AGBL4: variants seen among roughly 807,000 people sequenced by gnomAD.
The protein encoded by AGBL4 is cytosolic carboxypeptidase 6.
Under a neutral mutation model 66.4 loss-of-function variants are expected in AGBL4, and 58 were observed. The observed-to-expected ratio is 0.87, with a 90% CI of 0.71 to 1.09. AGBL4 has a LOEUF of 1.09. AGBL4 is among the 50% of genes least tolerant of loss of function. The probability of loss-of-function intolerance (pLI) is 0.00; values close to 1 mark genes in which losing one functional copy is unlikely to be tolerated. For missense variants in AGBL4, 579 were observed against 631.0 expected, an observed-to-expected ratio of 0.92 and a Z score of 0.88; for synonymous variants, 234 against 222.9, an observed-to-expected ratio of 1.05 and a Z score of -0.44.
intron 3 of AGBL4, among the ~76,000 whole-genome samples, chr1:49,267,498 G>A (rs1643948999): frequency 6.6e-6 from 1 of 152,094 alleles, no homozygotes; most frequent in Non-Finnish European, 1.5e-5. Flanking sequence ...GGCTAACACA[G>A]TGAAACCCTG....
intron 11 of AGBL4, among the ~76,000 whole-genome samples, chr1:48,555,224 C>G (rs1335702939): frequency 1.3e-5 from 2 of 150,850 alleles, no homozygotes; most frequent in Admixed American, 6.6e-5. Flanking sequence ...CTTTATTAAA[C>G]AAGTTAGTCA....
intron 9 of AGBL4, among the ~76,000 whole-genome samples, chr1:48,623,576 G>A (rs561289004): frequency 3.3e-5 from 5 of 152,372 alleles, no homozygotes; most frequent in South Asian, 2.1e-4. Flanking sequence ...GGCTAAGGCC[G>A]ATTTCTGAAG....
At chr1:49,591,988 G>T (rs1644760139) in intron 3 of AGBL4, among the ~76,000 whole-genome samples, 1 of 152,036 alleles carries the variant, frequency 6.6e-6, no homozygotes, top group Non-Finnish European at 1.5e-5. Context: ...AAAAACCCTG[G>T]AAGAAAACCT....
chr1:49,607,050 A>C (rs1163341026), intron 3 of AGBL4, among the ~76,000 whole-genome samples: 1 of 152,158 alleles, frequency 6.6e-6, no homozygotes, highest in Non-Finnish European at 1.5e-5. Flanking sequence ...AATTCAGTTC[A>C]AATGATATTT....
intron 5 of AGBL4, among the ~76,000 whole-genome samples, chr1:49,009,499 A>G (rs1026985072): frequency 1.3e-5 from 2 of 151,890 alleles, no homozygotes; most frequent in African/African-American, 4.8e-5. Context: ...ATCAATAGAA[A>G]AAGAGGGAAT....
chr1:49,785,892 AAAT>A lies in AGBL4; in HGVS notation c.157+65501_157+65503del, dbSNP rs1290905798. On this transcript the variant is annotated intron_variant, in intron 2 of 13. Coordinates refer to ENST00000371839, the MANE Select transcript of AGBL4 (RefSeq NM_032785.4). ...TACATGAGAAATCCCAGGAAAAAAA[AAAT>A]ATATATATATATATATATATATTTC... is the stretch of plus-strand genomic sequence containing the variant. 6.4e-3 allele frequency among the ~76,000 whole-genome samples: 583 copies of A among 90,840 alleles called. 10 individuals carry two copies. The highest frequency in any genetic ancestry group is 0.055 in the East Asian group (258 of 4,700). The allele number at this position is 90,840 out of a possible 152,430, so 59.6% of individuals were successfully genotyped here.
chr1:49,929,664 A>C (rs1246966415), intron 1 of AGBL4, among the ~76,000 whole-genome samples: 2 of 149,910 alleles, frequency 1.3e-5, no homozygotes, highest in Non-Finnish European at 3.0e-5. Context: ...TTTCAAGCAG[A>C]AAAAAAAAAG....
intron 5 of AGBL4, among the ~76,000 whole-genome samples, chr1:48,900,081 G>A (rs1557440757): frequency 6.6e-6 from 1 of 152,132 alleles, no homozygotes; most frequent in Non-Finnish European, 1.5e-5. Flanking sequence ...GGGTTGGAGT[G>A]CTCCAGTCAG....
At chr1:48,546,244 T>C (rs1644156767) in intron 11 of AGBL4, among the ~76,000 whole-genome samples, 1 of 152,144 alleles carries the variant, frequency 6.6e-6, no homozygotes, top group Non-Finnish European at 1.5e-5. Context: ...TAATTCAGAG[T>C]CTCGTGGCTT....
intron 1 of AGBL4, among the ~76,000 whole-genome samples, chr1:49,916,629 G>A (rs1039146754): frequency 6.6e-6 from 1 of 152,128 alleles, no homozygotes; most frequent in Admixed American, 6.6e-5. Context: ...GAAAGTGACG[G>A]GGAGAATGGA....
intron 3 of AGBL4, among the ~76,000 whole-genome samples, chr1:49,374,851 T>C (rs1357232212): frequency 1.3e-5 from 2 of 152,128 alleles, no homozygotes; most frequent in Non-Finnish European, 2.9e-5. Flanking sequence ...TTCTAAATCT[T>C]TTAGTTGACC....
intron 3 of AGBL4, among the ~76,000 whole-genome samples, chr1:49,315,136 A>C (rs1450182751): frequency 6.6e-6 from 1 of 152,208 alleles, no homozygotes; most frequent in Non-Finnish European, 1.5e-5. Context: ...AAAAACAAGC[A>C]ATGGGGAAAG....
At chr1:49,626,858 T>G (rs567083529) in intron 3 of AGBL4, among the ~76,000 whole-genome samples, 1 of 152,262 alleles carries the variant, frequency 6.6e-6, no homozygotes, top group African/African-American at 2.4e-5. Flanking sequence ...AGCTAAAGAA[T>G]TTTTGCCTAC....
intron 6 of AGBL4, among the ~76,000 whole-genome samples, chr1:48,767,326 G>T (rs1387592888): frequency 6.6e-6 from 1 of 152,196 alleles, no homozygotes. Context: ...TCTTGTCATA[G>T]ATGTTCAATA....
At chr1:49,222,020 G>T (rs563728614) in intron 4 of AGBL4, among the ~76,000 whole-genome samples, 2 of 152,044 alleles carry the variant, frequency 1.3e-5, no homozygotes, top group Admixed American at 1.3e-4. Flanking sequence ...TCCTAATTAG[G>T]GCCTGTCTGA....
At chr1:48,928,224 C>A (rs1179695604) in intron 5 of AGBL4, among the ~76,000 whole-genome samples, 1 of 152,160 alleles carries the variant, frequency 6.6e-6, no homozygotes, top group Non-Finnish European at 1.5e-5. Context: ...GGATCAGAGC[C>A]ACATCCTTCC....
intron 9 of AGBL4, among the ~76,000 whole-genome samples, chr1:48,615,148 A>C (rs1352205045): frequency 6.6e-6 from 1 of 152,194 alleles, no homozygotes; most frequent in East Asian, 1.9e-4. Flanking sequence ...GAATGTGGGC[A>C]GGCCAGAAGT....
intron 4 of AGBL4, among the ~76,000 whole-genome samples, chr1:49,194,684 T>C (rs1229535048): frequency 1.3e-5 from 2 of 152,166 alleles, no homozygotes; most frequent in Non-Finnish European, 2.9e-5. Context: ...ACAGCCAAGT[T>C]AGAGATCAAG....
chr1:48,743,842 G>C (rs1473802036), intron 6 of AGBL4, among the ~76,000 whole-genome samples: 3 of 152,208 alleles, frequency 2.0e-5, no homozygotes, highest in East Asian at 3.8e-4. Flanking sequence ...TGAAGGTCCT[G>C]GTGAATTTGT....
Sources: gnomAD v4.1 joint callset for allele counts (sites outside exome capture counted in the v4.1 genomes callset) on GRCh38, gnomAD v4.1.1 for gene constraint, MANE v1.5 for transcripts, NCBI Gene and HGNC (gene_info 2026-07-23, HGNC 2026-07-21) for gene names.